KCNQ5: variants seen among roughly 807,000 people sequenced by gnomAD.
KCNQ5 encodes the protein potassium voltage-gated channel subfamily KQT member 5.
Under a neutral mutation model 98.2 loss-of-function variants are expected in KCNQ5, and 30 were observed. The ratio of observed to expected loss-of-function variants is 0.31; its 90% confidence interval spans 0.23 to 0.41. The LOEUF is 0.41. Ranked by LOEUF, KCNQ5 falls within the 10% of genes least tolerant of loss-of-function variation. The probability of loss-of-function intolerance (pLI) is 1.00; values close to 1 mark genes in which losing one functional copy is unlikely to be tolerated. For synonymous variants in KCNQ5, 458 were observed against 449.4 expected (o/e 1.02, Z -0.24); for missense variants, 835 against 1,182.5 (o/e 0.71, Z 4.31).
chr6:72,949,621 T>C (rs187653024), intron 1 of KCNQ5, among the ~76,000 whole-genome samples: 4 of 152,368 alleles, frequency 2.6e-5, no homozygotes, highest in Admixed American at 2.6e-4. Context: ...TTTTTACATG[T>C]ACTTCAAGCC....
At chr6:73,098,944 A>G (rs1295411030) in intron 5 of KCNQ5, among the ~76,000 whole-genome samples, 1 of 152,200 alleles carries the variant, frequency 6.6e-6, no homozygotes, top group Admixed American at 6.5e-5. Flanking sequence ...ACAGCTTTTC[A>G]AGATATACAC....
At chr6:72,760,518 G>T (rs972474912) in intron 1 of KCNQ5, among the ~76,000 whole-genome samples, 1 of 151,922 alleles carries the variant, frequency 6.6e-6, no homozygotes, top group African/African-American at 2.4e-5. Context: ...TGTGCATGGG[G>T]TGAGGGGGTT....
rs2098915560 is a variant in KCNQ5, at chr6:72,622,233, G to C, written c.44G>C (p.Gly15Ala). Reference protein sequence around the residue: ...HAGGEEGGAAGLWVKSGAAAA... With the variant: ...HAGGEEGGAAALWVKSGAAAA... Reference sequence around the variant, plus strand: ...GGAGGAGAGGAGGGCGGCGCCGCCGGGCTCTGGGTGAAGAGCGGCGCAGCG... The same window carrying C: ...GGAGGAGAGGAGGGCGGCGCCGCCGCGCTCTGGGTGAAGAGCGGCGCAGCG... Residue 15 changes from glycine (G) to alanine (A), a missense_variant, in exon 1 of 14, where the codon GGG (glycine) becomes GCG (alanine). Around this residue, in one of 10 missense-constraint regions of KCNQ5, gnomAD observed 80 missense variants for 72.3 expected, o/e 1.11. Coordinates refer to ENST00000370398, the MANE Select transcript of KCNQ5 (RefSeq NM_019842.4). The surrounding 1 kb of genome is among the most constrained non-coding windows in gnomAD (Gnocchi z 6.0). The C allele has an allele frequency of 8.1e-7, 1 of 1,240,562 alleles. No homozygotes were observed. The highest frequency in any genetic ancestry group is 3.2e-5 in the East Asian group (1 of 31,236). The allele number at this position is 1,240,562 out of a possible 1,614,324, so 76.8% of individuals were successfully genotyped here.
intron 5 of KCNQ5, among the ~76,000 whole-genome samples, chr6:73,097,566 C>T (rs1460702291): frequency 1.3e-5 from 2 of 152,146 alleles, no homozygotes; most frequent in African/African-American, 4.8e-5. Context: ...AGATCTAGTG[C>T]TGTGCTGGCT....
At chr6:72,749,101 T>C (rs2154476494) in intron 1 of KCNQ5, among the ~76,000 whole-genome samples, 1 of 152,244 alleles carries the variant, frequency 6.6e-6, no homozygotes, top group East Asian at 1.9e-4. Flanking sequence ...ATTTTCTTCC[T>C]CCTCATACTT....
At chr6:72,837,458 A>T (rs577963935) in intron 1 of KCNQ5, among the ~76,000 whole-genome samples, 1 of 152,228 alleles carries the variant, frequency 6.6e-6, no homozygotes, top group East Asian at 1.9e-4. Context: ...TGTATGTAAC[A>T]CCTGTACTAG....
rs534435262 is a variant in KCNQ5, at chr6:72,987,334, A to G, written c.399-16574A>G. 169 of 710,412 alleles carry G rather than the reference A, an allele frequency of 2.4e-4. 1 individual carries two copies. Among genetic ancestry groups the G allele is most frequent in the African/African-American group, 2.1e-3 (125 of 59,698 alleles). 44.0% of individuals were successfully genotyped at this position (710,412 alleles called of 1,614,324 possible). A position where few individuals can be genotyped will look rare whatever the true frequency, so the allele number is the denominator to read the frequency against. ...AACATGGACGAGGCGCACATAGACC[A>G]GGTGAGGCGAAAGGCCTTGCAAGGA... On this transcript the variant is annotated intron_variant, in intron 1 of 13. Coordinates refer to ENST00000370398, the MANE Select transcript of KCNQ5 (RefSeq NM_019842.4).
In KCNQ5 at chr6:72,786,369, T is replaced by G. The variant is rs1414406183; in HGVS notation, c.398+163782T>G. 3.9e-5 allele frequency among the ~76,000 whole-genome samples: 6 copies of G among 152,250 alleles called. No homozygotes were observed. In the East Asian group the frequency reaches 7.7e-4, roughly 20 times the overall value. On this transcript the variant is annotated intron_variant, in intron 1 of 13. Coordinates refer to ENST00000370398, the MANE Select transcript of KCNQ5 (RefSeq NM_019842.4). Reference sequence around the variant, plus strand: ...TGTCAGAAGGATAGATTGCAAAAATTTGTAACAAAACTTCATGTTCTACAC... The same window carrying G: ...TGTCAGAAGGATAGATTGCAAAAATGTGTAACAAAACTTCATGTTCTACAC...
chr6:72,746,023 G>T (rs1028875371), intron 1 of KCNQ5, among the ~76,000 whole-genome samples: 2 of 128,122 alleles, frequency 1.6e-5, no homozygotes, highest in Admixed American at 9.9e-5. Flanking sequence ...CTGTAATCCA[G>T]TGTGATCACA....
chr6:72,868,329 A>G (rs1440679731), intron 1 of KCNQ5, among the ~76,000 whole-genome samples: 1 of 152,196 alleles, frequency 6.6e-6, no homozygotes, highest in Non-Finnish European at 1.5e-5. Context: ...ATTTCTAATT[A>G]GTCATTTCTT....
At chr6:72,790,753 G>T (rs1425477736) in intron 1 of KCNQ5, among the ~76,000 whole-genome samples, 2 of 152,030 alleles carry the variant, frequency 1.3e-5, no homozygotes, top group Non-Finnish European at 2.9e-5. Flanking sequence ...TTGGATAAAT[G>T]TTTCTATTAG....
chr6:73,019,184 A>G (rs193203804), intron 2 of KCNQ5, among the ~76,000 whole-genome samples: 1 of 152,276 alleles, frequency 6.6e-6, no homozygotes, highest in East Asian at 1.9e-4. Context: ...AGATTACTCC[A>G]GCATTTCCTT....
intron 1 of KCNQ5, among the ~76,000 whole-genome samples, chr6:72,983,396 C>A (rs911438974): frequency 6.6e-6 from 1 of 151,920 alleles, no homozygotes; most frequent in Non-Finnish European, 1.5e-5. Flanking sequence ...CTCTAAACTT[C>A]TCTTCTCACT....
chr6:72,975,256 C>CA (rs915532124), intron 1 of KCNQ5, among the ~76,000 whole-genome samples: 5 of 149,098 alleles, frequency 3.4e-5, no homozygotes, highest in South Asian at 2.1e-4. Flanking sequence ...TTTTTGGTCA[C>CA]AAAAAAAAGC....
At chr6:73,186,750 T>C (rs1457804678) in intron 11 of KCNQ5, among the ~76,000 whole-genome samples, 1 of 152,178 alleles carries the variant, frequency 6.6e-6, no homozygotes, top group Non-Finnish European at 1.5e-5. Context: ...TGTAAGTCTA[T>C]GTAATTTAAT....
Position 72,997,283 on chromosome 6 carries a change from C to T in KCNQ5, c.399-6625C>T, listed in dbSNP as rs529061122. Among the ~76,000 whole-genome samples, 5 of 152,190 alleles carry T rather than the reference C, an allele frequency of 3.3e-5. No individual in the cohort carries two copies. The South Asian group carries it at 8.3e-4, about 25-fold the overall frequency. ...CTGTCTACGCGGAGTCCACTGACTG[C>T]TCTGAGGGAAACCTCTTGAACTGTT... On this transcript the variant is annotated intron_variant, in intron 1 of 13. Coordinates refer to ENST00000370398, the MANE Select transcript of KCNQ5 (RefSeq NM_019842.4).
intron 1 of KCNQ5, among the ~76,000 whole-genome samples, chr6:72,970,142 C>T (rs1221415619): frequency 3.3e-5 from 5 of 152,034 alleles, no homozygotes; most frequent in Admixed American, 1.3e-4. Context: ...ACTAGAAGTT[C>T]CAATTACTCC....
At chr6:73,106,970 TAA>T (rs143381325) in intron 6 of KCNQ5, among the ~76,000 whole-genome samples, 141,738 of 151,334 alleles carry the variant, frequency 0.94, 66,415 homozygotes, top group South Asian at 0.97. Context: ...CCAGGAGAAT[TAA>T]AAAAAAAAAA....
intron 1 of KCNQ5, among the ~76,000 whole-genome samples, chr6:72,910,589 TGTGTGTGTGTGTGTGTGG>T (rs1779901454): frequency 1.3e-5 from 2 of 151,494 alleles, no homozygotes; most frequent in African/African-American, 2.4e-5. Flanking sequence ...TGTGTGTGTG[TGTGTGTGTGTGTGTGTGG>T]CTGATAAATT....
Sources: gnomAD v4.1 joint callset for allele counts (sites outside exome capture counted in the v4.1 genomes callset) on GRCh38, gnomAD v4.1.1 for gene constraint, gnomAD v4.1.1 regional missense constraint, Gnocchi (gnomAD v3.1) non-coding constraint, MANE v1.5 for transcripts, NCBI Gene and HGNC (gene_info 2026-07-23, HGNC 2026-07-21) for gene names.